PRDM6: variants seen among roughly 807,000 people sequenced by gnomAD.
PRDM6 encodes the protein PR/SET domain 6, also known as putative histone-lysine N-methyltransferase PRDM6.
In PRDM6, 25 loss-of-function variants were observed where a neutral mutation model predicts 60.8. The observed-to-expected ratio is 0.41, with a 90% CI of 0.30 to 0.57. The LOEUF (loss-of-function observed/expected upper bound fraction) is 0.57. Ranked by LOEUF, PRDM6 falls within the 20% of genes least tolerant of loss-of-function variation. PRDM6 has a pLI of 0.27. For missense variants in PRDM6, 839 were observed against 821.3 expected (o/e 1.02, Z -0.26); for synonymous variants, 407 against 357.4 (o/e 1.14, Z -1.57).
chr5:123,135,240 C>T (rs1764929104), intron 3 of PRDM6, among the ~76,000 whole-genome samples: 1 of 152,170 alleles, frequency 6.6e-6, no homozygotes, highest in East Asian at 1.9e-4. Context: ...ATGAAGCTAC[C>T]TTTGCCTGTG....
At chr5:123,158,271 GA>G (rs945869512) in intron 4 of PRDM6, among the ~76,000 whole-genome samples, 28 of 152,222 alleles carry the variant, frequency 1.8e-4, no homozygotes, top group African/African-American at 6.0e-4. Context: ...TCTCAAGTTA[GA>G]AGATGCCAGT....
At chr5:123,132,100 AT>A (rs1764845926) in intron 3 of PRDM6, among the ~76,000 whole-genome samples, 1 of 152,158 alleles carries the variant, frequency 6.6e-6, no homozygotes, top group African/African-American at 2.4e-5. Context: ...ACCTAGACAT[AT>A]CCCCTTCTGA....
intron 6 of PRDM6, among the ~76,000 whole-genome samples, chr5:123,175,322 A>T (rs1765980646): frequency 6.6e-6 from 1 of 152,218 alleles, no homozygotes; most frequent in Non-Finnish European, 1.5e-5. Flanking sequence ...TCCTGGGCAC[A>T]CCATCACCTA....
intron 5 of PRDM6, among the ~76,000 whole-genome samples, chr5:123,167,475 T>C (rs11241675): frequency 0.27 from 41,352 of 151,932 alleles, 6,195 homozygotes; most frequent in East Asian, 0.59. Context: ...CCGCAACCTC[T>C]GCCTCCCAGG....
rs1764048149 is a variant in PRDM6, at chr5:123,099,553, G to T, written c.593-101G>T. 1 of 1,114,432 alleles carries T rather than the reference G, an allele frequency of 9.0e-7. No homozygotes were observed. The allele number at this position is 1,114,432 out of a possible 1,614,324, so 69.0% of individuals were successfully genotyped here. A position where few individuals can be genotyped will look rare whatever the true frequency, so the allele number is the denominator to read the frequency against. On this transcript the variant is annotated intron_variant, in intron 2 of 7. Coordinates refer to ENST00000407847, the MANE Select transcript of PRDM6 (RefSeq NM_001136239.4). This position sits in a 1 kb window ranked among gnomAD's most constrained non-coding sequence, Gnocchi z 4.0. ...TTCCTCGAAGGTGGCTTACCCAGGC[G>T]GGCGGTGATGCTGTTGTCTCGGGAG...
intron 7 of PRDM6, among the ~76,000 whole-genome samples, chr5:123,186,403 A>C (rs1023420698): frequency 6.6e-6 from 1 of 152,154 alleles, no homozygotes; most frequent in African/African-American, 2.4e-5. Flanking sequence ...AGAAGAGATA[A>C]ATCTTGAAGT....
intron 5 of PRDM6, among the ~76,000 whole-genome samples, chr5:123,161,687 G>T (rs1025654911): frequency 1.3e-5 from 2 of 152,224 alleles, no homozygotes; most frequent in African/African-American, 4.8e-5. Context: ...GGTGAAGAGG[G>T]GTTAACTTAG....
Position 123,090,241 on chromosome 5 carries a change from TCTC to T in PRDM6, c.232_234del (p.Ser78del), listed in dbSNP as rs1362546271. 1 of 1,479,248 alleles carries T rather than the reference TCTC, an allele frequency of 6.8e-7. No individual in the cohort carries two copies. The highest frequency in any genetic ancestry group is 9.0e-7 in the Non-Finnish European group (1 of 1,114,990). 91.6% of individuals were successfully genotyped at this position (1,479,248 alleles called of 1,614,324 possible). ...AGCCTGCGCCCGCGGCCCGCCTCTC[TCTC>T]CTCCGCCTCGTCCACGCCGGCTTCC... On this transcript the variant is annotated inframe_deletion, in exon 2 of 8. Coordinates refer to ENST00000407847, the MANE Select transcript of PRDM6 (RefSeq NM_001136239.4).
At chr5:123,106,454 A>G (rs951822103) in intron 3 of PRDM6, among the ~76,000 whole-genome samples, 1 of 152,142 alleles carries the variant, frequency 6.6e-6, no homozygotes, top group African/African-American at 2.4e-5. Flanking sequence ...TTAGACAAAA[A>G]AGAGAGAGAG....
In PRDM6 at chr5:123,090,445, G is replaced by A; in HGVS notation, c.431G>A (p.Gly144Asp). 6.8e-7 allele frequency: 1 copy of A among 1,461,240 alleles called. No individual in the cohort carries two copies. The highest frequency in any genetic ancestry group is 9.0e-7 in the Non-Finnish European group (1 of 1,115,904). 90.5% of individuals were successfully genotyped at this position (1,461,240 alleles called of 1,614,324 possible). A position where few individuals can be genotyped will look rare whatever the true frequency, so the allele number is the denominator to read the frequency against. ...PKELCLGATS[G>D]PGPVKCGGGG... ...GAACTGTGCCTCGGCGCCACCTCCG[G>A]CCCCGGGCCCGTCAAGTGCGGTGGT... Residue 144 changes from glycine to aspartate, a missense_variant, in exon 2 of 8, where the codon GGC becomes GAC. Coordinates refer to ENST00000407847, the MANE Select transcript of PRDM6 (RefSeq NM_001136239.4).
chr5:123,094,230 TC>T (rs1671429902), intron 2 of PRDM6, among the ~76,000 whole-genome samples: 1 of 152,066 alleles, frequency 6.6e-6, no homozygotes, highest in African/African-American at 2.4e-5. Context: ...CCTAATCCCT[TC>T]CCACCCAGGT....
chr5:123,119,169 CAAAT>C lies in PRDM6; in HGVS notation c.900+19212_900+19215del, dbSNP rs1300752645. On this transcript the variant is annotated intron_variant, in intron 3 of 7. Transcript: ENST00000407847. ...ATTAACTGTTACTATCTCCTACCCA[CAAAT>C]AAACAAACAAGAAAAAAACTAGCCT... 4.6e-5 allele frequency among the ~76,000 whole-genome samples: 7 copies of C among 150,848 alleles called. No individual in the cohort carries two copies. In the East Asian group the frequency reaches 7.7e-4, roughly 17 times the overall value.
intron 3 of PRDM6, among the ~76,000 whole-genome samples, chr5:123,108,342 A>G (rs1334681331): frequency 1.3e-5 from 2 of 152,206 alleles, no homozygotes; most frequent in Admixed American, 6.5e-5. Context: ...GTAAAGCACC[A>G]AGAGCTAAAT....
Position 123,126,622 on chromosome 5 carries a change from T to C in PRDM6, c.900+26661T>C, listed in dbSNP as rs193093939. Among the ~76,000 whole-genome samples, 4 of 152,296 alleles carry C rather than the reference T, an allele frequency of 2.6e-5. 1 individual carries two copies. The highest frequency in any genetic ancestry group is 9.6e-5 in the African/African-American group (4 of 41,564). The stretch of plus-strand genomic sequence containing the variant: ...GATGCCAGTAGATTCTTGGATTCCA[T>C]GTTGACCAAATTTTGTCTGTTTAAG... On this transcript the variant is annotated intron_variant, in intron 3 of 7. Coordinates refer to ENST00000407847, the MANE Select transcript of PRDM6 (RefSeq NM_001136239.4).
At chr5:123,159,435 T>C in intron 4 of PRDM6, 79 bp from the exon 5 acceptor site, 1 of 1,496,102 alleles carries the variant, frequency 6.7e-7, no homozygotes, top group Non-Finnish European at 9.0e-7. Flanking sequence ...CGTAGAACTT[T>C]TTCAGGGCAA....
chr5:123,174,039 G>T (rs1765952541), intron 6 of PRDM6, among the ~76,000 whole-genome samples: 1 of 152,174 alleles, frequency 6.6e-6, no homozygotes, highest in African/African-American at 2.4e-5. Flanking sequence ...CTGAATACAG[G>T]TTGAGTATCC....
Position 123,090,218 on chromosome 5 carries a change from C to T in PRDM6, c.204C>T (p.Ser68=), listed in dbSNP as rs1010945792. The T allele has an allele frequency of 4.1e-6, 6 of 1,474,626 alleles. No individual in the cohort carries two copies. The African/African-American group carries it at 7.4e-5, about 18-fold the overall frequency. The allele number at this position is 1,474,626 out of a possible 1,614,324, so 91.3% of individuals were successfully genotyped here. A position where few individuals can be genotyped will look rare whatever the true frequency, so the allele number is the denominator to read the frequency against. The change falls in exon 2 of 8, where the codon AGC becomes AGT. Residue 68 remains serine, a synonymous_variant. Coordinates refer to ENST00000407847, the MANE Select transcript of PRDM6 (RefSeq NM_001136239.4). ...AGCGCGCTGAGCCTCCGCCGGACAG[C>T]CTGCGCCCGCGGCCCGCCTCTCTCT... ...PPERAEPPPD[S]LRPRPASLSS...
intron 3 of PRDM6, among the ~76,000 whole-genome samples, chr5:123,148,367 A>G (rs1396179578): frequency 6.6e-6 from 1 of 152,220 alleles, no homozygotes; most frequent in Non-Finnish European, 1.5e-5. Context: ...GAGACATTCC[A>G]AAATATTCCA....
At chr5:123,165,968 C>G (rs962292262) in intron 5 of PRDM6, among the ~76,000 whole-genome samples, 3 of 152,178 alleles carry the variant, frequency 2.0e-5, no homozygotes, top group African/African-American at 7.2e-5. Flanking sequence ...GAAACATTTT[C>G]TATGGCCCAT....
Sources: allele counts gnomAD v4.1 joint callset (sites outside exome capture counted in the v4.1 genomes callset), GRCh38; gene constraint gnomAD v4.1.1; non-coding constraint Gnocchi (gnomAD v3.1); transcripts MANE v1.5; gene names NCBI Gene and HGNC (gene_info 2026-07-23, HGNC 2026-07-21).